Variants in ST3GAL2 observed in about 807,000 individuals in gnomAD.
ST3GAL2 encodes the protein ST3 beta-galactoside alpha-2,3-sialyltransferase 2.
In ST3GAL2, 16 loss-of-function variants were observed where a neutral mutation model predicts 37.5. That is an observed-to-expected ratio of 0.43 (90% CI 0.29 to 0.65). The LOEUF (loss-of-function observed/expected upper bound fraction) is 0.65. ST3GAL2 is among the 30% of genes least tolerant of loss of function. The pLI, the probability that ST3GAL2 is intolerant of heterozygous loss-of-function variation, is 0.17. For missense variants in ST3GAL2, 383 were observed against 487.8 expected (o/e 0.79, Z 2.02); for synonymous variants, 238 against 202.9 (o/e 1.17, Z -1.47).
rs1422586999 is a variant in ST3GAL2 at position 70,378,749 on chromosome 16, A to G, written c.*2940T>C. On this transcript the variant is annotated 3_prime_UTR_variant, in exon 7 of 7. Coordinates refer to ENST00000342907, the MANE Select transcript of ST3GAL2 (RefSeq NM_006927.4). ...ACTGGCTCACGCCTGTAATCCCAGC[A>G]CTTTGGGAGGCCGAGGCGGGCAGAT... The G allele has an allele frequency of 6.6e-6, 1 of 151,758 alleles. No homozygotes were observed. The highest frequency in any genetic ancestry group is 2.4e-5 in the African/African-American group (1 of 41,214). The allele number at this position is 151,758 out of a possible 1,614,324, so 9.4% of individuals were successfully genotyped here.
intron 4 of ST3GAL2, among the ~76,000 whole-genome samples, chr16:70,385,240 G>A (rs957762298): frequency 2.0e-5 from 3 of 152,162 alleles, no homozygotes; most frequent in Admixed American, 6.6e-5. Flanking sequence ...AGGTTGCAGT[G>A]AGCCGAGAAG....
intron 3 of ST3GAL2, among the ~76,000 whole-genome samples, chr16:70,388,818 T>C (rs536631169): frequency 6.6e-6 from 1 of 151,964 alleles, no homozygotes; most frequent in African/African-American, 2.4e-5. Context: ...TCCAGGCACT[T>C]TGGGAGGCCA....
Position 70,397,819 on chromosome 16 carries a change from T to TA in ST3GAL2, c.339+372dup, listed in dbSNP as rs564901746. On this transcript the variant is annotated intron_variant, in intron 2 of 6. Transcript: ENST00000342907. ...TAAAATCTGGATTTCTAGGTTTTCT[T>TA]AAAAAAAAAACAAAAAACCCAGATC... 3.6e-3 allele frequency among the ~76,000 whole-genome samples: 534 copies of TA among 148,820 alleles called. 8 individuals are homozygous for TA. The highest frequency in any genetic ancestry group is 0.024 in the East Asian group (124 of 5,098).
intron 1 of ST3GAL2, among the ~76,000 whole-genome samples, chr16:70,405,730 G>A (rs948988219): frequency 2.0e-5 from 3 of 151,918 alleles, no homozygotes; most frequent in African/African-American, 2.4e-5. Context: ...TTTTCTTCTG[G>A]GGTGATGTTC....
intron 3 of ST3GAL2, among the ~76,000 whole-genome samples, chr16:70,392,985 G>A (rs541118544): frequency 3.6e-4 from 54 of 151,978 alleles, no homozygotes; most frequent in Admixed American, 7.9e-4. Context: ...ACCAGCAGAC[G>A]GCCAATTACT....
chr16:70,393,546 T>C (rs558031551), intron 3 of ST3GAL2, among the ~76,000 whole-genome samples: 4 of 152,282 alleles, frequency 2.6e-5, no homozygotes, highest in South Asian at 2.1e-4. Context: ...CCTAAGAGCA[T>C]TGTCCTGGGC....
chr16:70,388,568 A>C, intron 3 of ST3GAL2, 22 bp from the exon 4 acceptor site: 1 of 1,542,420 alleles, frequency 6.5e-7, no homozygotes, highest in Non-Finnish European at 8.7e-7. Context: ...AGAGGGTGAC[A>C]TGAGAATCAA....
intron 6 of ST3GAL2, 40 bp from the exon 7 acceptor site, chr16:70,381,902 C>A (rs1443274439): frequency 1.2e-6 from 2 of 1,606,768 alleles, no homozygotes; most frequent in East Asian, 2.2e-5. Flanking sequence ...CAGGCGGGGA[C>A]CTGGAGGATG....
intron 1 of ST3GAL2, chr16:70,399,778 G>GA: frequency 4.4e-6 from 1 of 228,954 alleles, no homozygotes; most frequent in Admixed American, 5.7e-5. Flanking sequence ...CGAGTCAAGT[G>GA]ATTTTCCCTA....
At position 70,398,451 on chromosome 16, in the gene ST3GAL2, GAGT is replaced by G. The variant is rs1567669294; in HGVS notation, c.77_79del (p.Tyr26del). On this transcript the variant is annotated inframe_deletion, in exon 2 of 7. Coordinates refer to ENST00000342907, the MANE Select transcript of ST3GAL2 (RefSeq NM_006927.4). ...GGGGAGCGTGGCCATGCTGTGGTGC[GAGT>G]AGGTGAAGAGCAGGGACATGATGAA... 1 of 1,613,582 alleles carries G rather than the reference GAGT, an allele frequency of 6.2e-7. No homozygotes were observed. The highest frequency in any genetic ancestry group is 1.3e-5 in the African/African-American group (1 of 74,952).
chr16:70,429,663 CAG>C, intron 1 of ST3GAL2, among the ~76,000 whole-genome samples: 1 of 100,834 alleles, frequency 9.9e-6, no homozygotes, highest in East Asian at 3.3e-4. Flanking sequence ...TTTTTTGAGA[CAG>C]AGTTTCGCTC....
At chr16:70,411,446 T>C (rs183595396) in intron 1 of ST3GAL2, among the ~76,000 whole-genome samples, 158 of 151,790 alleles carry the variant, frequency 1.0e-3, no homozygotes, top group Non-Finnish European at 1.3e-3. Context: ...AGGATCTCTG[T>C]GCCTTCCTGC....
chr16:70,427,140 T>A (rs1202575293), intron 1 of ST3GAL2, among the ~76,000 whole-genome samples: 1 of 152,044 alleles, frequency 6.6e-6, no homozygotes, highest in East Asian at 1.9e-4. Context: ...CAAGCCACCA[T>A]ACCTGAGCAT....
rs1372626877 is a variant in ST3GAL2 at position 70,438,985 on chromosome 16, C to G, written c.-1040G>C. On this transcript the variant is annotated 5_prime_UTR_variant, in exon 1 of 7. Transcript: ENST00000342907. Reference sequence around the variant, plus strand: ...CCCGGCGCCGCGCGGGCCATGCTCGCCGCTCCGGCCGCCGCCGCCGCCCGC... The same window carrying G: ...CCCGGCGCCGCGCGGGCCATGCTCGGCGCTCCGGCCGCCGCCGCCGCCCGC... 1 of 157,134 alleles carries G rather than the reference C, an allele frequency of 6.4e-6. No individual in the cohort carries two copies. The highest frequency in any genetic ancestry group is 1.7e-4 in the South Asian group (1 of 5,774). The allele number at this position is 157,134 out of a possible 1,614,324, so 9.7% of individuals were successfully genotyped here.
rs1041190701 is a variant in ST3GAL2 at position 70,376,303 on chromosome 16, G to A, written c.*5386C>T. 3.3e-5 allele frequency: 5 copies of A among 152,248 alleles called. No individual in the cohort carries two copies. The highest frequency in any genetic ancestry group is 1.2e-4 in the African/African-American group (5 of 41,464). 9.4% of individuals were successfully genotyped at this position (152,248 alleles called of 1,614,324 possible). A position where few individuals can be genotyped will look rare whatever the true frequency, so the allele number is the denominator to read the frequency against. ...GGCAAAGTCATTTTATAGCAAGGCC[G>A]GATGGAACTGGGCGCCCTGAGTGCA... On this transcript the variant is annotated 3_prime_UTR_variant, in exon 7 of 7. Coordinates refer to ENST00000342907, the MANE Select transcript of ST3GAL2 (RefSeq NM_006927.4).
At chr16:70,411,861 G>A (rs2047640520) in intron 1 of ST3GAL2, among the ~76,000 whole-genome samples, 1 of 151,998 alleles carries the variant, frequency 6.6e-6, no homozygotes, top group South Asian at 2.1e-4. Context: ...GGGTGTGGTG[G>A]CGGATGTCTG....
chr16:70,394,907 A>C (rs1375047378), intron 3 of ST3GAL2, 75 bp downstream of exon 3: 7 of 1,522,168 alleles, frequency 4.6e-6, no homozygotes, highest in Non-Finnish European at 5.3e-6. Flanking sequence ...GCACCCTGCC[A>C]GACAAGGCAG....
chr16:70,417,814 G>C (rs1047159256), intron 1 of ST3GAL2, among the ~76,000 whole-genome samples: 2 of 151,838 alleles, frequency 1.3e-5, no homozygotes, highest in African/African-American at 2.4e-5. Flanking sequence ...TGGCGTGGCT[G>C]GGGGGGCGGG....
chr16:70,417,297 C>G (rs2047682730), intron 1 of ST3GAL2, among the ~76,000 whole-genome samples: 1 of 151,686 alleles, frequency 6.6e-6, no homozygotes, highest in Non-Finnish European at 1.5e-5. Flanking sequence ...CGCCCCAGCC[C>G]CACCCCACCT....
Sources: allele counts gnomAD v4.1 joint callset (sites outside exome capture counted in the v4.1 genomes callset), GRCh38; gene constraint gnomAD v4.1.1; transcripts MANE v1.5; gene names NCBI Gene and HGNC (gene_info 2026-07-23, HGNC 2026-07-21).